Variants in PDE4B observed in about 807,000 individuals in gnomAD.
The protein encoded by PDE4B is phosphodiesterase 4B.
PDE4B carries 20 observed loss-of-function variants against 82.2 expected under a neutral mutation model. That is an observed-to-expected ratio of 0.24 (90% CI 0.17 to 0.35). The LOEUF (loss-of-function observed/expected upper bound fraction) is 0.35. Ranked by LOEUF, PDE4B falls within the 10% of genes least tolerant of loss-of-function variation. PDE4B has a pLI of 1.00. For missense variants in PDE4B, 655 were observed against 907.2 expected, an observed-to-expected ratio of 0.72 and a Z score of 3.57; for synonymous variants, 320 against 318.9, an observed-to-expected ratio of 1.00 and a Z score of -0.04.
chr1:65,830,151 G>A (rs1646065658), intron 1 of PDE4B, among the ~76,000 whole-genome samples: 1 of 151,892 alleles, frequency 6.6e-6, no homozygotes, highest in Non-Finnish European at 1.5e-5. Flanking sequence ...GGCCAAAATT[G>A]GAACAATTTG....
At chr1:66,139,208 A>G (rs889437980) in intron 3 of PDE4B, among the ~76,000 whole-genome samples, 1 of 152,198 alleles carries the variant, frequency 6.6e-6, no homozygotes, top group Non-Finnish European at 1.5e-5. Context: ...GCCAAAATCA[A>G]TGTGTCAGCA....
At chr1:66,105,054 A>C (rs1645316322) in intron 3 of PDE4B, among the ~76,000 whole-genome samples, 1 of 152,144 alleles carries the variant, frequency 6.6e-6, no homozygotes, top group Admixed American at 6.6e-5. Flanking sequence ...GTTTTCTTCT[A>C]GGATTTTTAT....
chr1:65,896,491 A>C (rs1417581911), intron 1 of PDE4B, among the ~76,000 whole-genome samples: 1 of 152,142 alleles, frequency 6.6e-6, no homozygotes, highest in African/African-American at 2.4e-5. Flanking sequence ...GTGTATATAC[A>C]CACACAGTCT....
At chr1:65,804,636 G>A (rs1645733606) in intron 1 of PDE4B, among the ~76,000 whole-genome samples, 1 of 151,928 alleles carries the variant, frequency 6.6e-6, no homozygotes, top group African/African-American at 2.4e-5. Context: ...AGGGGAATAG[G>A]GGAATTGTGG....
intron 3 of PDE4B, among the ~76,000 whole-genome samples, chr1:66,203,848 T>C (rs1084500): frequency 0.95 from 144,831 of 152,270 alleles, 69,291 homozygotes; most frequent in East Asian, 1. Flanking sequence ...TCTCTCAACT[T>C]GTCAAGTCAT....
Position 65,881,016 on chromosome 1 carries a change from C to T in PDE4B, c.-70-32229C>T, listed in dbSNP as rs561866178. On this transcript the variant is annotated intron_variant, in intron 1 of 16. Transcript: ENST00000341517. ...CAGCTTTCAGTAGCACTGTACCTTTCCTTGCCCTGCAGGCCTAGGGATGGT... is the reference window on the plus strand; with the variant it reads ...CAGCTTTCAGTAGCACTGTACCTTTTCTTGCCCTGCAGGCCTAGGGATGGT... Among the ~76,000 whole-genome samples, 3 of 152,326 alleles carry T rather than the reference C, an allele frequency of 2.0e-5. No individual in the cohort carries two copies. The South Asian group carries it at 6.2e-4, about 32-fold the overall frequency.
At chr1:66,036,364 G>A (rs1654062130) in intron 3 of PDE4B, among the ~76,000 whole-genome samples, 1 of 152,054 alleles carries the variant, frequency 6.6e-6, no homozygotes, top group African/African-American at 2.4e-5. Context: ...TTTATTGCCT[G>A]TGCTTTTGGG....
Position 66,292,727 on chromosome 1 carries a change from G to A in PDE4B, c.634+26640G>A, listed in dbSNP as rs1240473215. On this transcript the variant is annotated intron_variant, in intron 7 of 16. Coordinates refer to ENST00000341517, the MANE Select transcript of PDE4B (RefSeq NM_002600.4). Reference sequence around the variant, plus strand: ...CTACATATCGTACACTGTTCTTATTGTTTTAACTCTCCAAATTATTTACAT... The same window carrying A: ...CTACATATCGTACACTGTTCTTATTATTTTAACTCTCCAAATTATTTACAT... 6.7e-4 allele frequency among the ~76,000 whole-genome samples: 102 copies of A among 152,168 alleles called. 2 individuals carry two copies. The highest frequency in any genetic ancestry group is 1.2e-4 in the Non-Finnish European group (8 of 67,974).
chr1:66,027,745 A>G (rs1426963458), intron 3 of PDE4B, among the ~76,000 whole-genome samples: 2 of 152,236 alleles, frequency 1.3e-5, no homozygotes, highest in African/African-American at 4.8e-5. Flanking sequence ...ATGCAAGTCC[A>G]AAATCCAACG....
At chr1:66,126,166 A>G (rs897056388) in intron 3 of PDE4B, among the ~76,000 whole-genome samples, 1 of 152,232 alleles carries the variant, frequency 6.6e-6, no homozygotes, top group African/African-American at 2.4e-5. Context: ...GCTGATCTCA[A>G]GGAGCTTATA....
intron 1 of PDE4B, among the ~76,000 whole-genome samples, chr1:65,883,105 C>G (rs1646728339): frequency 6.6e-6 from 1 of 152,108 alleles, no homozygotes. Context: ...AGATGAGACT[C>G]CTGTTATGAA....
At chr1:65,888,317 TA>T (rs555962674) in intron 1 of PDE4B, among the ~76,000 whole-genome samples, 61 of 152,330 alleles carry the variant, frequency 4.0e-4, no homozygotes, top group African/African-American at 1.4e-3. Flanking sequence ...TGTTTGTTTT[TA>T]TACAAAAACC....
chr1:66,112,008 G>A (rs1294609976), intron 3 of PDE4B, among the ~76,000 whole-genome samples: 2 of 152,002 alleles, frequency 1.3e-5, no homozygotes, highest in African/African-American at 4.8e-5. Flanking sequence ...TAGAACCTTT[G>A]CATTTTGTTC....
At chr1:66,050,335 G>A (rs1399624633) in intron 3 of PDE4B, among the ~76,000 whole-genome samples, 1 of 152,014 alleles carries the variant, frequency 6.6e-6, no homozygotes, top group Non-Finnish European at 1.5e-5. Context: ...CATGACATTA[G>A]TGACATCATT....
intron 3 of PDE4B, among the ~76,000 whole-genome samples, chr1:66,154,438 C>T (rs1002357768): frequency 6.6e-6 from 1 of 152,018 alleles, no homozygotes; most frequent in Non-Finnish European, 1.5e-5. Context: ...AATTGAAGGG[C>T]AAAGAGAAGA....
intron 3 of PDE4B, among the ~76,000 whole-genome samples, chr1:66,106,702 C>T (rs1396584773): frequency 6.6e-6 from 1 of 151,966 alleles, no homozygotes; most frequent in Non-Finnish European, 1.5e-5. Context: ...TCCATTTCTT[C>T]TAGATTTTCT....
At chr1:65,928,120 C>T (rs1294598283) in intron 3 of PDE4B, among the ~76,000 whole-genome samples, 1 of 151,586 alleles carries the variant, frequency 6.6e-6, no homozygotes, top group Non-Finnish European at 1.5e-5. Context: ...TGGAGGTCTC[C>T]TTGGGGAAGG....
At chr1:66,293,485 G>A (rs183758073) in intron 7 of PDE4B, among the ~76,000 whole-genome samples, 31 of 152,178 alleles carry the variant, frequency 2.0e-4, no homozygotes, top group Non-Finnish European at 1.2e-4. Flanking sequence ...TGCATGTACC[G>A]TACTGAGTTT....
chr1:65,995,038 C>A (rs1651461410), intron 3 of PDE4B, among the ~76,000 whole-genome samples: 1 of 152,026 alleles, frequency 6.6e-6, no homozygotes, highest in Non-Finnish European at 1.5e-5. Context: ...AGATGATATT[C>A]TTTTAGTTGA....
Sources: allele counts gnomAD v4.1 joint callset (sites outside exome capture counted in the v4.1 genomes callset), GRCh38; gene constraint gnomAD v4.1.1; transcripts MANE v1.5; gene names NCBI Gene and HGNC (gene_info 2026-07-23, HGNC 2026-07-21).